Variants in LRRC69 observed in about 807,000 individuals in gnomAD.
LRRC69 encodes the protein leucine-rich repeat-containing protein 69.
A neutral mutation model predicts 37.8 loss-of-function variants in LRRC69; 42 were observed. The ratio of observed to expected loss-of-function variants is 1.11; its 90% CI spans 0.87 to 1.44. LRRC69 has a LOEUF of 1.44. LRRC69 is among the 40% of genes most tolerant of loss of function. The pLI is 0.00. For missense variants in LRRC69, 357 were observed against 401.9 expected, an observed-to-expected ratio of 0.89 and a Z score of 0.96; for synonymous variants, 141 against 143.1, an observed-to-expected ratio of 0.99 and a Z score of 0.11.
At chr8:91,160,191 G>A (rs923134362) in intron 5 of LRRC69, among the ~76,000 whole-genome samples, 4 of 147,532 alleles carry the variant, frequency 2.7e-5, no homozygotes, top group South Asian at 2.1e-4. Flanking sequence ...ATTTATTACT[G>A]GTTTATAGAA....
chr8:91,144,961 C>G (rs1808592128), intron 5 of LRRC69, among the ~76,000 whole-genome samples: 1 of 151,950 alleles, frequency 6.6e-6, no homozygotes, highest in Non-Finnish European at 1.5e-5. Context: ...TGAGCAGTAA[C>G]ACAAATATGT....
At chr8:91,139,864 G>A (rs1363092435) in intron 5 of LRRC69, among the ~76,000 whole-genome samples, 2 of 151,412 alleles carry the variant, frequency 1.3e-5, no homozygotes, top group African/African-American at 4.8e-5. Context: ...CGAAGTGGGC[G>A]GATCACCTCA....
chr8:91,139,659 A>G (rs1055456269), intron 5 of LRRC69, among the ~76,000 whole-genome samples: 1 of 151,850 alleles, frequency 6.6e-6, no homozygotes, highest in Non-Finnish European at 1.5e-5. Flanking sequence ...CTCCGTCTCA[A>G]AAAAAGAAAG....
At chr8:91,156,149 A>G (rs1808831035) in intron 5 of LRRC69, among the ~76,000 whole-genome samples, 1 of 150,832 alleles carries the variant, frequency 6.6e-6, no homozygotes, top group Non-Finnish European at 1.5e-5. Flanking sequence ...TGGATGTACT[A>G]ATTTATGTTC....
chr8:91,133,320 G>T lies in LRRC69; in HGVS notation c.579+15G>T. 1 of 1,489,684 alleles carries T rather than the reference G, an allele frequency of 6.7e-7. No homozygotes were observed. The highest frequency in any genetic ancestry group is 1.4e-5 in the African/African-American group (1 of 69,266). The allele number at this position is 1,489,684 out of a possible 1,614,324, so 92.3% of individuals were successfully genotyped here. ...TTTTGCCGGAGGTAAGCAAAACATGGAACCACAGTAGTTTGCTGTTGGAGA... is the reference window on the plus strand; with the variant it reads ...TTTTGCCGGAGGTAAGCAAAACATGTAACCACAGTAGTTTGCTGTTGGAGA... On this transcript the variant is annotated intron_variant, in intron 4 of 7. Transcript: ENST00000448384.
At chr8:91,153,756 A>G (rs1181986446) in intron 5 of LRRC69, among the ~76,000 whole-genome samples, 1 of 151,978 alleles carries the variant, frequency 6.6e-6, no homozygotes, top group Non-Finnish European at 1.5e-5. Flanking sequence ...CCACATAAGA[A>G]AGCTAGAAAG....
At chr8:91,200,825 A>G (rs1221648802) in intron 7 of LRRC69, 33 bp downstream of exon 7, 58 of 1,485,264 alleles carry the variant, frequency 3.9e-5, no homozygotes, top group Non-Finnish European at 4.9e-5. Flanking sequence ...ATATGAGCAT[A>G]ATACTGATTC....
At chr8:91,168,277 A>C (rs1222634074) in intron 5 of LRRC69, among the ~76,000 whole-genome samples, 2 of 151,862 alleles carry the variant, frequency 1.3e-5, no homozygotes, top group African/African-American at 4.8e-5. Context: ...TTTGGAAAAG[A>C]CTGAGGGGCC....
chr8:91,206,822 G>T (rs1239564597), intron 7 of LRRC69: 2 of 1,288,806 alleles, frequency 1.6e-6, no homozygotes, highest in African/African-American at 3.0e-5. Context: ...ACACCAGTAA[G>T]AAATCCAAGG....
chr8:91,154,611 C>T (rs1808800014), intron 5 of LRRC69, among the ~76,000 whole-genome samples: 1 of 151,766 alleles, frequency 6.6e-6, no homozygotes, highest in Non-Finnish European at 1.5e-5. Flanking sequence ...ATAAATAGAA[C>T]CAAGGACAAA....
intron 1 of LRRC69, among the ~76,000 whole-genome samples, chr8:91,109,240 TTC>T (rs1236064691): frequency 4.6e-5 from 7 of 152,088 alleles, no homozygotes; most frequent in Non-Finnish European, 1.0e-4. Context: ...GAAATGCAGC[TTC>T]TCTCTCTGCT....
At chr8:91,117,619 G>T (rs7465016) in intron 1 of LRRC69, among the ~76,000 whole-genome samples, 1 of 132,812 alleles carries the variant, frequency 7.5e-6, no homozygotes, top group Non-Finnish European at 1.6e-5. Flanking sequence ...TTTAGGTTAA[G>T]AAATGAATTC....
intron 5 of LRRC69, among the ~76,000 whole-genome samples, chr8:91,152,226 G>A (rs909622538): frequency 2.0e-5 from 3 of 151,586 alleles, no homozygotes; most frequent in Admixed American, 6.6e-5. Context: ...TTTCTGAGTA[G>A]TATTGCCTGC....
intron 5 of LRRC69, chr8:91,139,178 A>G (rs1240758773): frequency 6.6e-6 from 1 of 151,976 alleles, no homozygotes; most frequent in Non-Finnish European, 1.5e-5. Context: ...ATAAAACTTA[A>G]AAATTTTGTA....
chr8:91,136,722 C>G (rs561264204), intron 5 of LRRC69, among the ~76,000 whole-genome samples: 1 of 152,012 alleles, frequency 6.6e-6, no homozygotes, highest in African/African-American at 2.4e-5. Flanking sequence ...AAGATCTTTC[C>G]CCCCTTCATG....
exon 8 of LRRC69, chr8:91,218,976 C>T (rs1810110280): frequency 4.5e-6 from 7 of 1,550,226 alleles, no homozygotes; most frequent in Middle Eastern, 1.7e-4. Context: ...GTGACCCTAA[C>T]CTCTTTGGAA....
In LRRC69 at chr8:91,176,925, A is replaced by C. The variant is rs1027547130; in HGVS notation, c.652-12597A>C. Among the ~76,000 whole-genome samples, 22 of 151,914 alleles carry C rather than the reference A, an allele frequency of 1.4e-4. 2 individuals carry two copies. Among genetic ancestry groups the C allele is most frequent in the Admixed American group, 1.4e-3 (21 of 15,288 alleles). On this transcript the variant is annotated intron_variant, in intron 5 of 7. Coordinates refer to ENST00000448384, the Ensembl canonical transcript of LRRC69. ...TACGCCATGGCCCAGTGAAGTTGAC[A>C]CATAAAATTAATCATTACAGTAAAT...
intron 5 of LRRC69, among the ~76,000 whole-genome samples, chr8:91,182,015 G>A (rs189228047): frequency 4.7e-4 from 71 of 152,206 alleles, no homozygotes; most frequent in Non-Finnish European, 8.7e-4. Context: ...GATATTGACA[G>A]GCACATTTTT....
chr8:91,157,135 TTC>T, intron 5 of LRRC69: 1 of 661,064 alleles, frequency 1.5e-6, no homozygotes, highest in Non-Finnish European at 2.7e-6. Context: ...TAGAATTGCT[TTC>T]TCTGTTTCTG....
Sources: allele counts gnomAD v4.1 joint callset (sites outside exome capture counted in the v4.1 genomes callset), GRCh38; gene constraint gnomAD v4.1.1; transcripts MANE v1.5; gene names NCBI Gene and HGNC (gene_info 2026-07-23, HGNC 2026-07-21).